The following CD4 variants were observed in gnomAD, a reference collection of about 807,000 sequenced individuals.
CD4 encodes CD4 molecule, also known as T-cell surface glycoprotein CD4.
Under a neutral mutation model 50.5 loss-of-function variants are expected in CD4, and 25 were observed. The ratio of observed to expected loss-of-function variants is 0.49; its 90% CI spans 0.36 to 0.69. CD4 has a LOEUF of 0.69. Among genes scored for constraint, CD4 ranks in the 30% least tolerant of loss-of-function variants. CD4 has a pLI of 0.00. For synonymous variants in CD4, 207 were observed against 221.9 expected, an observed-to-expected ratio of 0.93 and a Z score of 0.60; for missense variants, 456 against 548.5, an observed-to-expected ratio of 0.83 and a Z score of 1.68.
intron 1 of CD4, among the ~76,000 whole-genome samples, chr12:6,794,801 T>TTTTTTTTTTTTTTTTTTG (rs1942320912): frequency 7.0e-6 from 1 of 142,846 alleles, no homozygotes; most frequent in East Asian, 2.0e-4. Flanking sequence ...TTTTTTTTTT[T>TTTTTTTTTTTTTTTTTTG]TGAGATAGAG....
At chr12:6,803,896 G>A (rs781832381) in intron 3 of CD4, among the ~76,000 whole-genome samples, 1 of 151,822 alleles carries the variant, frequency 6.6e-6, no homozygotes, top group Non-Finnish European at 1.5e-5. Flanking sequence ...CAGATCATGA[G>A]GTCATGAGAT....
At position 6,818,750 on chromosome 12, in the gene CD4, C is replaced by A; in HGVS notation, c.1279-97C>A. 1 of 1,253,910 alleles carries A rather than the reference C, an allele frequency of 8.0e-7. No individual in the cohort carries two copies. Among genetic ancestry groups the A allele is most frequent in the Non-Finnish European group, 1.2e-6 (1 of 854,316 alleles). The allele number at this position is 1,253,910 out of a possible 1,614,324, so 77.7% of individuals were successfully genotyped here. On this transcript the variant is annotated intron_variant, in intron 8 of 9. Transcript: ENST00000011653. The surrounding 1 kb of genome is among the most constrained non-coding windows in gnomAD (Gnocchi z 5.0). ...ATAGATGGCCTGGGCCATGTAACTG[C>A]TTCTCCTGTCGCAGCTTCCCCCACT...
intron 3 of CD4, among the ~76,000 whole-genome samples, 168 bp downstream of exon 3, chr12:6,800,639 C>A (rs1302191246): frequency 6.6e-6 from 1 of 151,916 alleles, no homozygotes; most frequent in Non-Finnish European, 1.5e-5. Context: ...TGCTGGTGGC[C>A]CAGGGAAAGG....
chr12:6,809,819 C>A (rs1271421514), intron 3 of CD4, among the ~76,000 whole-genome samples: 1 of 152,022 alleles, frequency 6.6e-6, no homozygotes. Flanking sequence ...GCCTGTGCTG[C>A]CTCTCTGGAG....
At position 6,819,291 on chromosome 12, in the gene CD4, T is replaced by C; in HGVS notation, c.1347-8T>C. ...CAGACCTGCTCCCCTTCTTCTTTGTTCCTGCAGCCGGTTTCAGAAGACATG... is the reference window on the plus strand; with the variant it reads ...CAGACCTGCTCCCCTTCTTCTTTGTCCCTGCAGCCGGTTTCAGAAGACATG... On this transcript the variant is annotated splice_polypyrimidine_tract_variant and splice_region_variant and intron_variant, in intron 9 of 9. Transcript: ENST00000011653. The C allele has an allele frequency of 6.2e-7, 1 of 1,614,106 alleles. No individual in the cohort carries two copies. The highest frequency in any genetic ancestry group is 8.5e-7 in the Non-Finnish European group (1 of 1,179,956).
intron 1 of CD4, among the ~76,000 whole-genome samples, 163 bp from the exon 2 acceptor site, chr12:6,799,909 C>T (rs565316648): frequency 3.9e-4 from 60 of 152,298 alleles, no homozygotes; most frequent in African/African-American, 1.3e-3. Context: ...GCTTCTGCTC[C>T]TACTCATTCC....
Position 6,816,744 on chromosome 12 carries a change from G to C in CD4, c.955+341G>C, listed in dbSNP as rs1555118003. Among the ~76,000 whole-genome samples the C allele has an allele frequency of 6.6e-6, 1 of 152,192 alleles. No individual in the cohort carries two copies. The highest frequency in any genetic ancestry group is 1.5e-5 in the Non-Finnish European group (1 of 68,026). ...AAGGATAATGAAATCTGCTCTCTGT[G>C]TGATAGTAATGATGATAATGTCAAG... On this transcript the variant is annotated intron_variant, in intron 6 of 9. Transcript: ENST00000011653. The surrounding 1 kb of genome is among the most constrained non-coding windows in gnomAD (Gnocchi z 4.9).
Position 6,815,837 on chromosome 12 carries a change from C to T in CD4, c.608-219C>T, listed in dbSNP as rs782703479. On this transcript the variant is annotated intron_variant, in intron 5 of 9. Coordinates refer to ENST00000011653, the MANE Select transcript of CD4 (RefSeq NM_000616.5). ...GGCTGGGCTGCTCTGTGATGGCTTC[C>T]GGGAGGAGGGAGGTGGCCTGCTGTA... The T allele has an allele frequency of 1.3e-4, 188 of 1,490,984 alleles. 1 individual carries two copies. In the African/African-American group the frequency reaches 1.8e-3, roughly 15 times the overall value. The allele number at this position is 1,490,984 out of a possible 1,614,324, so 92.4% of individuals were successfully genotyped here.
intron 5 of CD4, 41 bp downstream of exon 5, chr12:6,815,033 A>C (rs1943050409): frequency 1.5e-6 from 2 of 1,366,440 alleles, no homozygotes; most frequent in Non-Finnish European, 2.1e-6. Context: ...TCCCTGCCCC[A>C]GGGGCTGACA....
chr12:6,801,704 GCGTA>G (rs1555115312), intron 3 of CD4, among the ~76,000 whole-genome samples: 2 of 150,806 alleles, frequency 1.3e-5, no homozygotes, highest in Non-Finnish European at 2.9e-5. Flanking sequence ...GGGACTACAG[GCGTA>G]TGCCACCATG....
At chr12:6,804,055 G>C (rs1942647934) in intron 3 of CD4, among the ~76,000 whole-genome samples, 1 of 151,616 alleles carries the variant, frequency 6.6e-6, no homozygotes, top group African/African-American at 2.4e-5. Flanking sequence ...AGGTTGCAGT[G>C]AGCTGAGATC....
chr12:6,810,263 C>T (rs1407133225), intron 3 of CD4, among the ~76,000 whole-genome samples: 1 of 152,208 alleles, frequency 6.6e-6, no homozygotes, highest in African/African-American at 2.4e-5. Flanking sequence ...CACTCATATG[C>T]TTAGACCTTT....
intron 1 of CD4, among the ~76,000 whole-genome samples, chr12:6,791,874 T>C (rs1942173006): frequency 6.6e-6 from 1 of 152,180 alleles, no homozygotes; most frequent in Non-Finnish European, 1.5e-5. Flanking sequence ...AGTGAGGCCC[T>C]GTCTCAAAAT....
At chr12:6,817,013 T>C (rs1943098276) in intron 6 of CD4, 117 bp from the exon 7 acceptor site, 2 of 812,500 alleles carry the variant, frequency 2.5e-6, no homozygotes, top group Non-Finnish European at 4.0e-6. Context: ...TTTTTCCTCG[T>C]AGGACTGCAT....
intron 3 of CD4, among the ~76,000 whole-genome samples, chr12:6,806,210 C>T (rs1942755762): frequency 6.7e-6 from 1 of 149,126 alleles, no homozygotes; most frequent in African/African-American, 2.5e-5. Flanking sequence ...CATATATATA[C>T]ACATACAGGT....
At chr12:6,802,966 T>A (rs781839297) in intron 3 of CD4, among the ~76,000 whole-genome samples, 1 of 151,658 alleles carries the variant, frequency 6.6e-6, no homozygotes, top group East Asian at 2.0e-4. Context: ...ATCTCTCGAC[T>A]TCGTGATCAG....
At chr12:6,804,491 A>G (rs1009346336) in intron 3 of CD4, among the ~76,000 whole-genome samples, 4 of 152,258 alleles carry the variant, frequency 2.6e-5, no homozygotes, top group Admixed American at 6.5e-5. Context: ...GTTGCAGAAT[A>G]TAAGATAAAC....
At chr12:6,815,756 G>A (rs553875858) in intron 5 of CD4, 6 of 1,398,506 alleles carry the variant, frequency 4.3e-6, no homozygotes, top group Non-Finnish European at 4.7e-6. Context: ...TCTAAGGAGT[G>A]GAGGCCAAAT....
chr12:6,814,835 C>A lies in CD4; in HGVS notation c.450C>A (p.Ser150Arg). 6.2e-7 allele frequency: 1 copy of A among 1,613,568 alleles called. No homozygotes were observed. The highest frequency in any genetic ancestry group is 1.3e-5 in the African/African-American group (1 of 74,964). The change falls in exon 5 of 10, where the codon AGC becomes AGA. Residue 150 changes from serine to arginine, a missense_variant. Ser to Arg is a moderately radical substitution (Grantham distance 110). Transcript: ENST00000011653. ...CCTTGGAGAGCCCCCCTGGTAGTAG[C>A]CCCTCAGTGCAATGTAGGAGTCCAA... The part of the protein sequence containing the change: ...TLTLESPPGS[S>R]PSVQCRSPRG...
Sources: allele counts gnomAD v4.1 joint callset (sites outside exome capture counted in the v4.1 genomes callset), GRCh38; gene constraint gnomAD v4.1.1; non-coding constraint Gnocchi (gnomAD v3.1); transcripts MANE v1.5; gene names NCBI Gene and HGNC (gene_info 2026-07-23, HGNC 2026-07-21).